Variants in CD101 observed in about 807,000 individuals in gnomAD.
CD101 encodes immunoglobulin superfamily member 2.
In CD101, 76 loss-of-function variants were observed where a neutral mutation model predicts 98.2. That is an observed-to-expected ratio of 0.77 (90% CI 0.64 to 0.94). CD101 has a LOEUF of 0.94. Among genes scored for constraint, CD101 ranks in the 40% least tolerant of loss-of-function variants. CD101 has a pLI of 0.00. For missense variants in CD101, 1,145 were observed against 1,218.8 expected, an observed-to-expected ratio of 0.94 and a Z score of 0.90; for synonymous variants, 471 against 472.7, an observed-to-expected ratio of 1.00 and a Z score of 0.05.
In CD101 at chr1:117,033,439, T is replaced by A. The variant is rs1654590771; in HGVS notation, c.2825-421T>A. Among the ~76,000 whole-genome samples the A allele has an allele frequency of 6.6e-6, 1 of 152,158 alleles. No homozygotes were observed. Among genetic ancestry groups the A allele is most frequent in the Non-Finnish European group, 1.5e-5 (1 of 68,024 alleles). ...GTGTATGTGTGTGTGAGAAAGAGTG[T>A]GTGCCTGTGTGTTGGAGGAGCAGCA... On this transcript the variant is annotated intron_variant, in intron 8 of 9. Coordinates refer to ENST00000682167, the MANE Select transcript of CD101 (RefSeq NM_001256106.3). The surrounding 1 kb of genome is among the most constrained non-coding windows in gnomAD (Gnocchi z 4.8).
At position 117,021,550 on chromosome 1, in the gene CD101, C is replaced by T; in HGVS notation, c.2018-23C>T. ...AACTTTCTATTTCATAGCAAAGTAA[C>T]TGTTTCATTTTTTTAAATTTAGAGA... On this transcript the variant is annotated intron_variant, in intron 6 of 9. Transcript: ENST00000682167. This position sits in a 1 kb window ranked among gnomAD's most constrained non-coding sequence, Gnocchi z 4.7. 6.5e-7 allele frequency: 1 copy of T among 1,540,550 alleles called. No individual in the cohort carries two copies. The highest frequency in any genetic ancestry group is 8.7e-7 in the Non-Finnish European group (1 of 1,148,814).
At chr1:117,003,318 A>G (rs1652351266) in intron 1 of CD101, among the ~76,000 whole-genome samples, 1 of 152,228 alleles carries the variant, frequency 6.6e-6, no homozygotes, top group South Asian at 2.1e-4. Context: ...AGGTTGCTTA[A>G]TAAACATTGA....
At chr1:117,007,027 T>C (rs1652575599) in intron 1 of CD101, among the ~76,000 whole-genome samples, 1 of 152,178 alleles carries the variant, frequency 6.6e-6, no homozygotes, top group African/African-American at 2.4e-5. Flanking sequence ...CCACCAAAAA[T>C]AACATTGTTT....
chr1:117,034,243 C>A, intron 9 of CD101, 109 bp downstream of exon 9: 1 of 975,946 alleles, frequency 1.0e-6, no homozygotes, highest in Non-Finnish European at 1.5e-6. Context: ...GGAGCATTCA[C>A]TGAGTGCTTA....
Position 117,012,215 on chromosome 1 carries a change from A to T in CD101, c.841+249A>T, listed in dbSNP as rs960792376. On this transcript the variant is annotated intron_variant, in intron 3 of 9. Transcript: ENST00000682167. The surrounding 1 kb of genome is among the most constrained non-coding windows in gnomAD (Gnocchi z 4.0). ...GCTAGATCGATTCCACAAGCCAGTC[A>T]TGGAAGTAGTTTTGTTACCATTTTT... Among the ~76,000 whole-genome samples, 12 of 152,250 alleles carry T rather than the reference A, an allele frequency of 7.9e-5. 1 individual carries two copies. The South Asian group carries it at 2.1e-3, about 26-fold the overall frequency.
At position 117,018,740 on chromosome 1, in the gene CD101, A is replaced by G. The variant is rs796352933; in HGVS notation, c.2017+180A>G. 5.3e-5 allele frequency among the ~76,000 whole-genome samples: 8 copies of G among 152,374 alleles called. No individual in the cohort carries two copies. The highest frequency in any genetic ancestry group is 1.9e-4 in the African/African-American group (8 of 41,578). ...TTGAGTTAGTATGCATGGGTTGGCC[A>G]TACTGGTTGTTAAAACATTGAAATA... is the stretch of plus-strand genomic sequence containing the variant. On this transcript the variant is annotated intron_variant, in intron 6 of 9. Transcript: ENST00000682167. This position sits in a 1 kb window ranked among gnomAD's most constrained non-coding sequence, Gnocchi z 4.3.
At chr1:117,029,348 GA>G (rs1018256890) in intron 8 of CD101, among the ~76,000 whole-genome samples, 2 of 152,010 alleles carry the variant, frequency 1.3e-5, no homozygotes, top group Non-Finnish European at 2.9e-5. Context: ...AAGGAAGGAA[GA>G]AAAAGATTAA....
Position 117,009,871 on chromosome 1 carries a change from G to T in CD101, c.65G>T (p.Arg22Ile). ...LLLTKLSIGQREVTVQKGPLF... is the reference protein window; with the variant it reads ...LLLTKLSIGQIEVTVQKGPLF... ...CAAGCTAAGCTCAGCATTGGCCAGA[G>T]AGAAGTAACAGTTCAGAAAGGACCA... Residue 22 changes from arginine to isoleucine, a missense_variant, in exon 2 of 10, where the codon AGA (arginine) becomes ATA (isoleucine). Arg to Ile is a moderately conservative substitution (Grantham distance 97). Coordinates refer to ENST00000682167, the MANE Select transcript of CD101 (RefSeq NM_001256106.3). 6.2e-7 allele frequency: 1 copy of T among 1,604,536 alleles called. No individual in the cohort carries two copies. The highest frequency in any genetic ancestry group is 8.5e-7 in the Non-Finnish European group (1 of 1,172,540).
chr1:117,011,913 T>A lies in CD101; in HGVS notation c.788T>A (p.Met263Lys), dbSNP rs1451142319. 2.5e-6 allele frequency: 4 copies of A among 1,613,994 alleles called. No individual in the cohort carries two copies. Among genetic ancestry groups the A allele is most frequent in the African/African-American group, 2.7e-5 (2 of 74,914 alleles). Residue 263 changes from methionine to lysine, a missense_variant, in exon 3 of 10, where the codon ATG (methionine) becomes AAG (lysine). Transcript: ENST00000682167. ...ATTCAGGATCCAGATGAAACTTGGA[T>A]GTTCATCACCAAAAAGCAGACCGAT... The part of the protein sequence containing the change: ...EWIQDPDETW[M>K]FITKKQTDQT...
intron 4 of CD101, 30 bp from the exon 5 acceptor site, chr1:117,017,060 T>A (rs758056428): frequency 6.3e-7 from 1 of 1,586,488 alleles, no homozygotes; most frequent in Non-Finnish European, 8.6e-7. Context: ...CCTAAAACAG[T>A]TTTGTTCTTC....
intron 4 of CD101, 93 bp downstream of exon 4, chr1:117,013,885 A>T: frequency 2.2e-6 from 3 of 1,336,216 alleles, no homozygotes; most frequent in Non-Finnish European, 3.0e-6. Context: ...GGGGATCTTC[A>T]TGAAGAGCAG....
Position 117,017,466 on chromosome 1 carries a change from G to A in CD101, c.1605G>A (p.Lys535=), listed in dbSNP as rs1653308864. 1 of 1,608,292 alleles carries A rather than the reference G, an allele frequency of 6.2e-7. No homozygotes were observed. The highest frequency in any genetic ancestry group is 2.2e-5 in the East Asian group (1 of 44,794). ...SWTQKISVTV[K]SLESSLQVSL... ...CTCAGAAGATTTCAGTTACTGTAAAGTCTCTGGGTAAGTGTCAAAGGAAGT... is the reference window on the plus strand; with the variant it reads ...CTCAGAAGATTTCAGTTACTGTAAAATCTCTGGGTAAGTGTCAAAGGAAGT... The change falls in exon 5 of 10, where the codon AAG becomes AAA. Residue 535 remains lysine, a synonymous_variant. Transcript: ENST00000682167.
Position 117,010,280 on chromosome 1 carries a change from T to G in CD101, c.424+50T>G. ...AGCCAGCCCCTGAGAAGCCAGAGTC[T>G]CCACCATGACAATATCTTGCAATAT... On this transcript the variant is annotated intron_variant, in intron 2 of 9. Transcript: ENST00000682167. This position sits in a 1 kb window ranked among gnomAD's most constrained non-coding sequence, Gnocchi z 5.2. 3 of 1,557,060 alleles carry G rather than the reference T, an allele frequency of 1.9e-6. No homozygotes were observed. The highest frequency in any genetic ancestry group is 2.6e-6 in the Non-Finnish European group (3 of 1,147,904).
intron 9 of CD101, among the ~76,000 whole-genome samples, chr1:117,035,100 G>C (rs935160698): frequency 6.6e-6 from 1 of 152,050 alleles, no homozygotes; most frequent in East Asian, 1.9e-4. Context: ...TGGGGGTGGG[G>C]TGTAATGGCT....
intron 2 of CD101, among the ~76,000 whole-genome samples, chr1:117,011,312 G>T (rs1419262502): frequency 6.6e-6 from 1 of 152,110 alleles, no homozygotes; most frequent in Non-Finnish European, 1.5e-5. Context: ...TGTTAATAAA[G>T]CAAAGTGAGG....
chr1:117,013,189 A>G (rs1652990420), intron 3 of CD101, among the ~76,000 whole-genome samples: 1 of 152,168 alleles, frequency 6.6e-6, no homozygotes, highest in Non-Finnish European at 1.5e-5. Context: ...TCAGAAAACC[A>G]TGTGTACTGT....
Position 117,012,049 on chromosome 1 carries a change from A to C in CD101, c.841+83A>C. 1 of 1,292,718 alleles carries C rather than the reference A, an allele frequency of 7.7e-7. No homozygotes were observed. 80.1% of individuals were successfully genotyped at this position (1,292,718 alleles called of 1,614,324 possible). A position where few individuals can be genotyped will look rare whatever the true frequency, so the allele number is the denominator to read the frequency against. ...GAGGTATGTTTTAATTTTTGTTCTAATCTTTTGTTGGCTCTAAAAAATTGG... is the reference window on the plus strand; with the variant it reads ...GAGGTATGTTTTAATTTTTGTTCTACTCTTTTGTTGGCTCTAAAAAATTGG... On this transcript the variant is annotated intron_variant, in intron 3 of 9. Coordinates refer to ENST00000682167, the MANE Select transcript of CD101 (RefSeq NM_001256106.3). The surrounding 1 kb of genome is among the most constrained non-coding windows in gnomAD (Gnocchi z 4.0).
chr1:117,024,656 C>CTT (rs995753534), intron 7 of CD101, among the ~76,000 whole-genome samples: 1 of 152,196 alleles, frequency 6.6e-6, no homozygotes, highest in Non-Finnish European at 1.5e-5. Context: ...GTCAAAATCT[C>CTT]TTTAAAACTC....
chr1:117,010,262 C>T lies in CD101; in HGVS notation c.424+32C>T. On this transcript the variant is annotated intron_variant, in intron 2 of 9. Coordinates refer to ENST00000682167, the MANE Select transcript of CD101 (RefSeq NM_001256106.3). This position sits in a 1 kb window ranked among gnomAD's most constrained non-coding sequence, Gnocchi z 5.2. ...TGCTTGTCCACTTCTGCTAGCCAGC[C>T]CCTGAGAAGCCAGAGTCTCCACCAT... 2 of 1,576,716 alleles carry T rather than the reference C, an allele frequency of 1.3e-6. No homozygotes were observed. The highest frequency in any genetic ancestry group is 1.7e-6 in the Non-Finnish European group (2 of 1,158,578).
Sources: allele counts gnomAD v4.1 joint callset (sites outside exome capture counted in the v4.1 genomes callset), GRCh38; gene constraint gnomAD v4.1.1; non-coding constraint Gnocchi (gnomAD v3.1); transcripts MANE v1.5; gene names NCBI Gene and HGNC (gene_info 2026-07-23, HGNC 2026-07-21).